NAALADL2: variants seen among roughly 807,000 people sequenced by gnomAD.
The protein encoded by NAALADL2 is inactive N-acetylated-alpha-linked acidic dipeptidase-like protein 2.
Under a neutral mutation model 87.2 loss-of-function variants are expected in NAALADL2, and 76 were observed. That is an observed-to-expected ratio of 0.87 (90% CI 0.72 to 1.05). The LOEUF (loss-of-function observed/expected upper bound fraction) is 1.05, where lower values mean the gene tolerates loss of function less well. Among genes scored for constraint, NAALADL2 ranks in the 50% least tolerant of loss-of-function variants. The pLI is 0.00. For synonymous variants in NAALADL2, 354 were observed against 331.0 expected (o/e 1.07, Z -0.75); for missense variants, 1,089 against 945.8 (o/e 1.15, Z -1.99).
intron 2 of NAALADL2, among the ~76,000 whole-genome samples, chr3:174,607,483 A>T (rs991829071): frequency 6.7e-5 from 10 of 150,278 alleles, no homozygotes; most frequent in Non-Finnish European, 1.0e-4. Context: ...TCTACCAAGC[A>T]AATGGAAAAC....
chr3:175,776,796 G>A (rs1035546767), intron 13 of NAALADL2, among the ~76,000 whole-genome samples: 2 of 152,058 alleles, frequency 1.3e-5, no homozygotes, highest in African/African-American at 4.8e-5. Context: ...TAGAGTCGGA[G>A]TTTATGAGGC....
chr3:175,463,095 T>A (rs57929088), intron 6 of NAALADL2, among the ~76,000 whole-genome samples: 10,591 of 152,194 alleles, frequency 0.07, 564 homozygotes, highest in East Asian at 0.24. Context: ...GAAGGTCTTC[T>A]CAATGCTCTC....
rs368929255 is a variant in NAALADL2, at chr3:175,362,109, T to C, written c.1090+37784T>C. On this transcript the variant is annotated intron_variant, in intron 5 of 13. Transcript: ENST00000454872. ...ATGGCTAGCCAATTTTCCAGCGCCA[T>C]TTATTAAATGAGGAATCCTTTTCCC... 2.2e-4 allele frequency among the ~76,000 whole-genome samples: 33 copies of C among 148,558 alleles called. 3 individuals are homozygous for C. The highest frequency in any genetic ancestry group is 8.0e-4 in the African/African-American group (33 of 41,014).
intron 3 of NAALADL2, among the ~76,000 whole-genome samples, chr3:175,248,562 T>C (rs189389881): frequency 3.7e-4 from 57 of 152,218 alleles, no homozygotes; most frequent in Middle Eastern, 3.4e-3. Context: ...TGATTTATGG[T>C]TCTTCTTTTT....
chr3:174,454,020 A>G (rs1715658455), intron 1 of NAALADL2, among the ~76,000 whole-genome samples: 1 of 152,162 alleles, frequency 6.6e-6, no homozygotes, highest in African/African-American at 2.4e-5. Context: ...TCTCAAATGC[A>G]ATGACACCCA....
intron 2 of NAALADL2, among the ~76,000 whole-genome samples, chr3:174,585,242 C>T (rs1716575638): frequency 6.6e-6 from 1 of 152,068 alleles, no homozygotes; most frequent in Non-Finnish European, 1.5e-5. Flanking sequence ...AATCCAGTAG[C>T]CAAGGTTGAG....
In NAALADL2 at chr3:175,324,123, G is replaced by A. The variant is rs140376417; in HGVS notation, c.940-52G>A. 4.9e-5 allele frequency: 73 copies of A among 1,494,086 alleles called. No homozygotes were observed. The African/African-American group carries it at 1.0e-3, about 21-fold the overall frequency. 92.6% of individuals were successfully genotyped at this position (1,494,086 alleles called of 1,614,324 possible). On this transcript the variant is annotated intron_variant, in intron 4 of 13. Transcript: ENST00000454872. The stretch of plus-strand genomic sequence containing the variant: ...CCACATTGGCAAAATGGCACTATAT[G>A]AACTTTTAATGTGCATGATAATATT...
intron 3 of NAALADL2, among the ~76,000 whole-genome samples, chr3:174,808,267 A>G (rs1446518758): frequency 6.6e-6 from 1 of 152,116 alleles, no homozygotes; most frequent in African/African-American, 2.4e-5. Context: ...TGAAGTCTAA[A>G]AACATATTTA....
At chr3:175,337,326 T>G (rs1170909490) in intron 5 of NAALADL2, among the ~76,000 whole-genome samples, 1 of 152,132 alleles carries the variant, frequency 6.6e-6, no homozygotes, top group Non-Finnish European at 1.5e-5. Flanking sequence ...TGATATTCAG[T>G]CAAGAGGTGT....
intron 1 of NAALADL2, among the ~76,000 whole-genome samples, chr3:174,968,677 A>T (rs1442994214): frequency 2.0e-5 from 3 of 152,024 alleles, no homozygotes; most frequent in Non-Finnish European, 2.9e-5. Flanking sequence ...ACGGGGTTTC[A>T]CCAAGTTGAC....
intron 1 of NAALADL2, among the ~76,000 whole-genome samples, chr3:175,008,534 AC>A (rs1402956403): frequency 6.6e-6 from 1 of 152,154 alleles, no homozygotes; most frequent in East Asian, 1.9e-4. Context: ...AAGAGGCCTG[AC>A]CCCAGGCCAA....
chr3:175,652,449 A>G (rs1730887428), intron 11 of NAALADL2, among the ~76,000 whole-genome samples: 1 of 150,850 alleles, frequency 6.6e-6, no homozygotes, highest in African/African-American at 2.4e-5. Context: ...ATAATATATC[A>G]TGCTTAGGAC....
intron 1 of NAALADL2, among the ~76,000 whole-genome samples, chr3:174,907,209 A>G (rs928291343): frequency 1.3e-5 from 2 of 151,622 alleles, no homozygotes; most frequent in African/African-American, 4.9e-5. Context: ...ACTGGAATGT[A>G]TCTTAAATAT....
intron 1 of NAALADL2, among the ~76,000 whole-genome samples, chr3:174,986,210 C>T (rs1242572117): frequency 6.7e-6 from 1 of 149,504 alleles, no homozygotes; most frequent in Admixed American, 6.7e-5. Context: ...AAATACCTAG[C>T]ACCCACTGCT....
At chr3:175,773,560 AAGT>A (rs1172989774) in intron 13 of NAALADL2, 5 of 152,220 alleles carry the variant, frequency 3.3e-5, no homozygotes, top group African/African-American at 1.2e-4. Context: ...ACCTCAGAAT[AAGT>A]AGTAATGTTA....
At chr3:174,871,873 G>A (rs575489245) in intron 1 of NAALADL2, among the ~76,000 whole-genome samples, 27 of 152,042 alleles carry the variant, frequency 1.8e-4, no homozygotes, top group South Asian at 1.4e-3. Flanking sequence ...TACTCCAGCC[G>A]GGGTGACAGA....
intron 5 of NAALADL2, among the ~76,000 whole-genome samples, chr3:175,445,017 C>T (rs935630433): frequency 1.5e-4 from 23 of 152,106 alleles, no homozygotes; most frequent in African/African-American, 5.1e-4. Flanking sequence ...TCAAGCTCTG[C>T]GCCCTCTGAA....
chr3:175,524,749 ATAAAG>A (rs1305569558), intron 9 of NAALADL2, among the ~76,000 whole-genome samples: 2 of 152,180 alleles, frequency 1.3e-5, no homozygotes, highest in Non-Finnish European at 2.9e-5. Context: ...CATGAATATA[ATAAAG>A]TATTTTTCTC....
rs531377035 is a variant in NAALADL2 at position 174,584,925 on chromosome 3, C to T, written c.-115+34288C>T. Among the ~76,000 whole-genome samples, 303 of 152,224 alleles carry T rather than the reference C, an allele frequency of 2.0e-3. 12 individuals are homozygous for T. In the South Asian group the frequency reaches 0.06, roughly 30 times the overall value. The stretch of plus-strand genomic sequence containing the variant: ...TATCAGATTTTGGTTTTGCACTTAT[C>T]GTTTTACCCTCATGCTCTTTTATAA... On this transcript the variant is annotated intron_variant, in intron 2 of 3. Coordinates refer to the NAALADL2 transcript ENST00000434257.
Sources: allele counts gnomAD v4.1 joint callset (sites outside exome capture counted in the v4.1 genomes callset), GRCh38; gene constraint gnomAD v4.1.1; transcripts MANE v1.5; gene names NCBI Gene and HGNC (gene_info 2026-07-23, HGNC 2026-07-21).